DSC3: variants seen among roughly 807,000 people sequenced by gnomAD.
DSC3 encodes desmocollin 3.
Under a neutral mutation model 89.5 loss-of-function variants are expected in DSC3, and 97 were observed. The ratio of observed to expected loss-of-function variants is 1.08; its 90% CI spans 0.92 to 1.28. The LOEUF (loss-of-function observed/expected upper bound fraction) is 1.28. Ranked by LOEUF, DSC3 falls within the 50% of genes most tolerant of loss-of-function variation. The pLI, the probability that DSC3 is intolerant of heterozygous loss-of-function variation, is 0.00. For missense variants in DSC3, 1,199 were observed against 1,085.3 expected (o/e 1.10, Z -1.47); for synonymous variants, 436 against 384.1 (o/e 1.14, Z -1.58).
chr18:31,009,000 G>A (rs1283116979), intron 9 of DSC3, among the ~76,000 whole-genome samples: 1 of 152,038 alleles, frequency 6.6e-6, no homozygotes, highest in Non-Finnish European at 1.5e-5. Flanking sequence ...AAGGTGCAAT[G>A]ATTTCATTTT....
At chr18:30,998,476 T>C (rs1032412668) in intron 14 of DSC3, among the ~76,000 whole-genome samples, 1 of 152,094 alleles carries the variant, frequency 6.6e-6, no homozygotes, top group Non-Finnish European at 1.5e-5. Flanking sequence ...AATATATGAA[T>C]ATGCGGATTT....
In DSC3 at chr18:31,001,666, C is replaced by A. The variant is rs1256510323; in HGVS notation, c.2187G>T (p.Gln729His). Reference sequence around the variant, plus strand: ...CTGTGTTTGATATAATTAAGTTTTGCTGTGCTAAATCTTCAGGAAAACGTT... The same window carrying A: ...CTGTGTTTGATATAATTAAGTTTTGATGTGCTAAATCTTCAGGAAAACGTT... ...KGKRFPEDLA[Q>H]QNLIISNTEA... is the part of the protein sequence containing the mutation. The change falls in exon 14 of 16, where the codon CAG (glutamine) becomes CAT (histidine). Residue 729 changes from glutamine (Q) to histidine (H), a missense_variant. Coordinates refer to ENST00000360428, the MANE Select transcript of DSC3 (RefSeq NM_001941.5). 3 of 1,611,496 alleles carry A rather than the reference C, an allele frequency of 1.9e-6. No homozygotes were observed. Among genetic ancestry groups the A allele is most frequent in the Non-Finnish European group, 2.5e-6 (3 of 1,178,638 alleles).
intron 9 of DSC3, among the ~76,000 whole-genome samples, chr18:31,016,068 C>G (rs773684525): frequency 1.3e-5 from 2 of 152,240 alleles, no homozygotes; most frequent in South Asian, 4.1e-4. Context: ...ACAAATGCCA[C>G]GGTAATGCCC....
At chr18:31,033,353 A>G (rs1400335557) in intron 1 of DSC3, among the ~76,000 whole-genome samples, 2 of 152,334 alleles carry the variant, frequency 1.3e-5, no homozygotes, top group South Asian at 2.1e-4. Context: ...CTATTTACCA[A>G]TTTCAAAACT....
rs1200395696 is a variant in DSC3 at position 31,001,739 on chromosome 18, G to A, written c.2114C>T (p.Ser705Phe). 3 of 1,582,184 alleles carry A rather than the reference G, an allele frequency of 1.9e-6. No homozygotes were observed. The highest frequency in any genetic ancestry group is 2.6e-6 in the Non-Finnish European group (3 of 1,166,988). Reference sequence around the variant, plus strand: ...TCCACATACTAAAGTTAGCAATACAGCTGAATTTAAAAATAAAAATAAAAT... The same window carrying A: ...TCCACATACTAAAGTTAGCAATACAACTGAATTTAAAAATAAAAATAAAAT... ...AILLGIALLFSVLLTLVCGVF... is the reference protein window; with the variant it reads ...AILLGIALLFFVLLTLVCGVF... The change falls in exon 14 of 16, where the codon TCT (serine) becomes TTT (phenylalanine). Residue 705 changes from serine (S) to phenylalanine (F), a missense_variant and splice_region_variant. Ser to Phe is a radical substitution (Grantham distance 155, BLOSUM62 -2). Coordinates refer to ENST00000360428, the MANE Select transcript of DSC3 (RefSeq NM_001941.5).
intron 6 of DSC3, 51 bp from the exon 7 acceptor site, chr18:31,022,553 A>G (rs1598545324): frequency 6.3e-7 from 1 of 1,594,178 alleles, no homozygotes; most frequent in Non-Finnish European, 8.6e-7. Flanking sequence ...TGTTAAATAT[A>G]CTTTCAAAAG....
chr18:31,002,012 T>C (rs1464260946), intron 13 of DSC3, among the ~76,000 whole-genome samples: 1 of 151,790 alleles, frequency 6.6e-6, no homozygotes, highest in African/African-American at 2.4e-5. Flanking sequence ...AAGCAGTACA[T>C]AAAGAAAAAA....
At chr18:30,999,564 T>G (rs927845515) in intron 14 of DSC3, among the ~76,000 whole-genome samples, 7 of 152,166 alleles carry the variant, frequency 4.6e-5, no homozygotes, top group African/African-American at 1.7e-4. Context: ...TAAAATAAAC[T>G]AAAAGCAATG....
chr18:31,009,245 T>C (rs1014560451), intron 9 of DSC3, among the ~76,000 whole-genome samples: 1 of 131,862 alleles, frequency 7.6e-6, no homozygotes, highest in South Asian at 2.7e-4. Context: ...TTAGTAAAGA[T>C]GGGGTTCTGC....
chr18:31,006,118 T>A (rs1218152734), intron 12 of DSC3, among the ~76,000 whole-genome samples: 1 of 152,060 alleles, frequency 6.6e-6, no homozygotes, highest in Non-Finnish European at 1.5e-5. Context: ...CAGAAACTGC[T>A]ACAATAGGCA....
chr18:31,035,233 A>C (rs1985932684), intron 1 of DSC3, among the ~76,000 whole-genome samples: 1 of 152,120 alleles, frequency 6.6e-6, no homozygotes, highest in Admixed American at 6.5e-5. Context: ...TATCACAATT[A>C]TTCTAATATG....
At chr18:31,022,534 T>A (rs774108526) in intron 6 of DSC3, 32 bp from the exon 7 acceptor site, 2 of 1,612,154 alleles carry the variant, frequency 1.2e-6, no homozygotes. Flanking sequence ...AGCCTTTAAT[T>A]TACAGAATTG....
chr18:31,032,338 A>T, intron 1 of DSC3, 62 bp from the exon 2 acceptor site: 1 of 1,290,812 alleles, frequency 7.7e-7, no homozygotes, highest in East Asian at 2.4e-5. Flanking sequence ...ACATAATCAT[A>T]TCAATAGATG....
chr18:31,018,315 A>G, intron 8 of DSC3, 59 bp from the exon 9 acceptor site: 1 of 1,420,628 alleles, frequency 7.0e-7, no homozygotes, highest in Non-Finnish European at 9.6e-7. Context: ...ACTTTAAAAA[A>G]AAGTTTCTTC....
chr18:31,001,785 GAATAA>G lies in DSC3; in HGVS notation c.2114-51_2114-47del, dbSNP rs771384899. On this transcript the variant is annotated intron_variant, in intron 13 of 15. Coordinates refer to ENST00000360428, the MANE Select transcript of DSC3 (RefSeq NM_001941.5). ...AAAATAACTTACTTTAGCATACATA[GAATAA>G]AATAATCATCATTTATTTCTTACGA... 4.3e-6 allele frequency: 6 copies of G among 1,408,898 alleles called. No homozygotes were observed. The African/African-American group carries it at 8.7e-5, about 21-fold the overall frequency. 87.3% of individuals were successfully genotyped at this position (1,408,898 alleles called of 1,614,324 possible).
In DSC3 at chr18:31,032,248, T is replaced by C; in HGVS notation, c.98A>G (p.Lys33Arg). The change falls in exon 2 of 16, where the codon AAA (lysine) becomes AGA (arginine). Residue 33 changes from lysine to arginine, a missense_variant. Transcript: ENST00000360428. ...VIFSRAGEACKKVILNVPSKL... is the reference protein window; with the variant it reads ...VIFSRAGEACRKVILNVPSKL... ...AGAAGGTACATTAAGTATCACCTTT[T>C]TGCAGGCTTCACCAGCACGACTGAA... 6.2e-7 allele frequency: 1 copy of C among 1,613,770 alleles called. No homozygotes were observed. Among genetic ancestry groups the C allele is most frequent in the Non-Finnish European group, 8.5e-7 (1 of 1,179,700 alleles).
At chr18:31,037,184 T>A (rs1343080175) in intron 1 of DSC3, among the ~76,000 whole-genome samples, 1 of 152,208 alleles carries the variant, frequency 6.6e-6, no homozygotes, top group Admixed American at 6.5e-5. Context: ...ATTGATTTGT[T>A]GCTGTAATGA....
At chr18:31,014,474 C>G (rs551051886) in intron 9 of DSC3, among the ~76,000 whole-genome samples, 1 of 152,004 alleles carries the variant, frequency 6.6e-6, no homozygotes, top group South Asian at 2.1e-4. Flanking sequence ...TTCTTTTGAA[C>G]TTTGAATTTT....
At chr18:31,001,165 A>G (rs926838926) in intron 14 of DSC3, among the ~76,000 whole-genome samples, 2 of 149,878 alleles carry the variant, frequency 1.3e-5, no homozygotes, top group East Asian at 4.0e-4. Context: ...TAAGAAATAT[A>G]TAAGGAAAGA....
Sources: gnomAD v4.1 joint callset for allele counts (sites outside exome capture counted in the v4.1 genomes callset) on GRCh38, gnomAD v4.1.1 for gene constraint, MANE v1.5 for transcripts, NCBI Gene and HGNC (gene_info 2026-07-23, HGNC 2026-07-21) for gene names.